The following RIPOR2 variants were observed in gnomAD, a reference collection of about 807,000 sequenced individuals.
RIPOR2 encodes the protein RHO family interacting cell polarization regulator 2.
Under a neutral mutation model 114.5 loss-of-function variants are expected in RIPOR2, and 39 were observed. That is an observed-to-expected ratio of 0.34 (90% CI 0.26 to 0.44). The LOEUF (loss-of-function observed/expected upper bound fraction) is 0.44. RIPOR2 is among the 20% of genes least tolerant of loss of function. The pLI is 1.00. For missense variants in RIPOR2, 1,007 were observed against 1,255.1 expected (o/e 0.80, Z 2.99); for synonymous variants, 445 against 484.4 (o/e 0.92, Z 1.07).
chr6:24,821,459 C>T (rs1229453961), intron 19 of RIPOR2, among the ~76,000 whole-genome samples: 2 of 152,238 alleles, frequency 1.3e-5, no homozygotes, highest in South Asian at 2.1e-4. Flanking sequence ...GCTGGGATTA[C>T]AGGCGTGAGC....
Position 24,850,699 on chromosome 6 carries a change from C to T in RIPOR2, c.783G>A (p.Gln261=), listed in dbSNP as rs1364054069. Residue 261 remains glutamine (Q), a synonymous_variant, in exon 10 of 22, where the codon CAG becomes CAA. Coordinates refer to ENST00000643898, the MANE Select transcript of RIPOR2 (RefSeq NM_001286445.3). ...QYEIFMKYGR[Q]RWKLKGKIEV... ...CTATTTTGCCTTTCAGTTTCCACCG[C>T]TGCCGGCCATACTTCATGAAAATCT... 1 of 1,613,748 alleles carries T rather than the reference C, an allele frequency of 6.2e-7. No individual in the cohort carries two copies. The highest frequency in any genetic ancestry group is 8.5e-7 in the Non-Finnish European group (1 of 1,179,870).
chr6:24,845,915 A>G (rs988877479), intron 12 of RIPOR2, among the ~76,000 whole-genome samples: 2 of 152,256 alleles, frequency 1.3e-5, no homozygotes, highest in African/African-American at 4.8e-5. Flanking sequence ...TTTGGAGGAC[A>G]CTGAGAAGCT....
Position 24,805,558 on chromosome 6 carries a change from G to C in RIPOR2, c.*815C>G, listed in dbSNP as rs1780720258. On this transcript the variant is annotated 3_prime_UTR_variant, in exon 22 of 22. Transcript: ENST00000643898. Reference sequence around the variant, plus strand: ...TTAAAACATCTAAACTCTCCTAATGGGTCATTTTGCCAGGTTCTGCAGGCA... The same window carrying C: ...TTAAAACATCTAAACTCTCCTAATGCGTCATTTTGCCAGGTTCTGCAGGCA... 6.6e-6 allele frequency: 1 copy of C among 151,060 alleles called. No homozygotes were observed. The highest frequency in any genetic ancestry group is 1.5e-5 in the Non-Finnish European group (1 of 67,782). The allele number at this position is 151,060 out of a possible 1,614,324, so 9.4% of individuals were successfully genotyped here.
intron 10 of RIPOR2, among the ~76,000 whole-genome samples, chr6:24,850,329 A>C (rs924280486): frequency 6.6e-6 from 1 of 152,138 alleles, no homozygotes; most frequent in African/African-American, 2.4e-5. Flanking sequence ...TCCTGGGCTC[A>C]AGTGATCCAC....
chr6:24,945,095 T>C (rs148710358), intron 1 of RIPOR2, among the ~76,000 whole-genome samples: 102 of 152,170 alleles, frequency 6.7e-4, no homozygotes, highest in Non-Finnish European at 1.4e-3. Flanking sequence ...ATTCCATACA[T>C]GTATCAAAAT....
chr6:24,962,264 A>T (rs1561810476), intron 1 of RIPOR2, among the ~76,000 whole-genome samples: 1 of 152,224 alleles, frequency 6.6e-6, no homozygotes, highest in Non-Finnish European at 1.5e-5. Context: ...CTGCTTGAAC[A>T]AGTTGTTTGG....
intron 1 of RIPOR2, among the ~76,000 whole-genome samples, chr6:24,919,911 G>T (rs1285011348): frequency 6.6e-6 from 1 of 152,154 alleles, no homozygotes; most frequent in African/African-American, 2.4e-5. Flanking sequence ...GTGCCTGGTG[G>T]AATACAAATA....
At chr6:24,936,072 T>C, upstream of RIPOR2, 1 of 571,162 alleles carries the variant, frequency 1.8e-6, no homozygotes, top group Non-Finnish European at 3.1e-6. Context: ...TCTTGAGCCT[T>C]GTGAAGAGTG....
chr6:24,830,127 G>A (rs1263869988), intron 17 of RIPOR2, among the ~76,000 whole-genome samples: 1 of 151,976 alleles, frequency 6.6e-6, no homozygotes, highest in Non-Finnish European at 1.5e-5. Context: ...TACCACGCCC[G>A]GCTAATTTTT....
At chr6:25,026,453 C>T (rs1034396182) in intron 1 of RIPOR2, among the ~76,000 whole-genome samples, 8 of 152,098 alleles carry the variant, frequency 5.3e-5, no homozygotes, top group Admixed American at 2.0e-4. Flanking sequence ...AAAAGATGAA[C>T]CTTCTAAAGC....
chr6:25,018,612 G>A (rs1776139411), intron 1 of RIPOR2, among the ~76,000 whole-genome samples: 1 of 152,046 alleles, frequency 6.6e-6, no homozygotes, highest in South Asian at 2.1e-4. Context: ...TTTGGTTTGC[G>A]CGAATTGCTT....
chr6:24,958,266 C>A (rs1449400166), intron 1 of RIPOR2, among the ~76,000 whole-genome samples: 1 of 152,090 alleles, frequency 6.6e-6, no homozygotes, highest in Admixed American at 6.5e-5. Context: ...ATGTGCAAAG[C>A]AGAATTTGCA....
intron 1 of RIPOR2, among the ~76,000 whole-genome samples, chr6:25,007,946 C>T (rs550938446): frequency 9.6e-4 from 146 of 152,202 alleles, no homozygotes; most frequent in Middle Eastern, 3.4e-3. Flanking sequence ...GTGGCATCAT[C>T]CCAGGCAACC....
rs139208150 is a variant in RIPOR2, at chr6:24,908,769, G to T, written c.61+27069C>A. Among the ~76,000 whole-genome samples the T allele has an allele frequency of 7.9e-5, 12 of 152,258 alleles. No individual in the cohort carries two copies. The East Asian group carries it at 2.1e-3, about 27-fold the overall frequency. ...GCCCCCAGCCTCCTTGGCTTCTCCA[G>T]GTCAACCTTGGGTGGGTCCCTTCTC... On this transcript the variant is annotated intron_variant, in intron 1 of 21. Coordinates refer to ENST00000643898, the MANE Select transcript of RIPOR2 (RefSeq NM_001286445.3).
intron 1 of RIPOR2, among the ~76,000 whole-genome samples, chr6:25,022,709 T>C (rs866169057): frequency 6.6e-6 from 1 of 151,734 alleles, no homozygotes; most frequent in South Asian, 2.1e-4. Context: ...CCACCCCAGC[T>C]AATTTTTTGA....
At position 24,909,297 on chromosome 6, in the gene RIPOR2, T is replaced by C. The variant is rs114602564; in HGVS notation, c.61+26541A>G. ...TTTGTTCCTACAGAAGGATAACTAC[T>C]GATGCTTCCTAATTAACCACTGGAG... On this transcript the variant is annotated intron_variant, in intron 1 of 21. Transcript: ENST00000643898. 8.1e-3 allele frequency among the ~76,000 whole-genome samples: 1,238 copies of C among 152,270 alleles called. 6 individuals are homozygous for C. The highest frequency in any genetic ancestry group is 0.013 in the Non-Finnish European group (895 of 68,024).
At chr6:24,828,338 C>CATT (rs1562226856) in intron 17 of RIPOR2, 43 bp from the exon 18 acceptor site, 2 of 1,201,956 alleles carry the variant, frequency 1.7e-6, no homozygotes, top group Non-Finnish European at 2.2e-6. Flanking sequence ...AGATAGATGA[C>CATT]CATTCATTCA....
Position 24,806,210 on chromosome 6 carries a change from C to A in RIPOR2, c.*163G>T. 1 of 625,998 alleles carries A rather than the reference C, an allele frequency of 1.6e-6. No individual in the cohort carries two copies. Among genetic ancestry groups the A allele is most frequent in the Non-Finnish European group, 2.8e-6 (1 of 358,364 alleles). The allele number at this position is 625,998 out of a possible 1,614,324, so 38.8% of individuals were successfully genotyped here. ...TTAAGCAATTCTCCTGCGTTGGCCT[C>A]CCAAAGTACTGGGATTACAGGCATG... On this transcript the variant is annotated 3_prime_UTR_variant, in exon 22 of 22. Transcript: ENST00000643898.
At chr6:24,887,146 C>T (rs1766911405) in intron 1 of RIPOR2, among the ~76,000 whole-genome samples, 1 of 152,200 alleles carries the variant, frequency 6.6e-6, no homozygotes, top group Admixed American at 6.5e-5. Context: ...CATTGCGAAC[C>T]TCAAAACTTT....
Sources: allele counts gnomAD v4.1 joint callset (sites outside exome capture counted in the v4.1 genomes callset), GRCh38; gene constraint gnomAD v4.1.1; transcripts MANE v1.5; gene names NCBI Gene and HGNC (gene_info 2026-07-23, HGNC 2026-07-21).